The following UNC93A variants were observed in gnomAD, a reference collection of about 807,000 sequenced individuals.
The protein encoded by UNC93A is N-acetylglucosamine transporter UNC93A.
A neutral mutation model predicts 47.5 loss-of-function variants in UNC93A; 43 were observed. The ratio of observed to expected loss-of-function variants is 0.91; its 90% confidence interval spans 0.71 to 1.17. The LOEUF is 1.17. Ranked by LOEUF, UNC93A falls within the 50% of genes most tolerant of loss-of-function variation. The pLI, the probability that UNC93A is intolerant of heterozygous loss-of-function variation, is 0.00. For missense variants in UNC93A, 605 were observed against 577.6 expected, an observed-to-expected ratio of 1.05 and a Z score of -0.49; for synonymous variants, 280 against 258.0, an observed-to-expected ratio of 1.09 and a Z score of -0.82.
At chr6:167,273,083 G>T (rs12527165) in intron 1 of UNC93A, among the ~76,000 whole-genome samples, 1 of 152,100 alleles carries the variant, frequency 6.6e-6, no homozygotes, top group Non-Finnish European at 1.5e-5. Flanking sequence ...CAGGCAAGCC[G>T]CTAACGTGAA....
At chr6:167,272,442 G>T (rs1007496969) in intron 1 of UNC93A, among the ~76,000 whole-genome samples, 3 of 152,222 alleles carry the variant, frequency 2.0e-5, no homozygotes, top group Non-Finnish European at 2.9e-5. Flanking sequence ...GCCAAACTCT[G>T]TAAAATATTT....
At chr6:167,287,146 C>A (rs6911656), upstream of UNC93A, among the ~76,000 whole-genome samples, 2,911 of 150,562 alleles carry the variant, frequency 0.019, 103 homozygotes, top group African/African-American at 0.067. Context: ...CCAATCATAG[C>A]CATACTTGGC....
rs574762533 is a variant in UNC93A, at chr6:167,294,656, G to T, written c.227G>T (p.Cys76Phe). The change falls in exon 2 of 8, where the codon TGT (cysteine) becomes TTT (phenylalanine). Residue 76 changes from cysteine to phenylalanine, a missense_variant. Physicochemically the swap from Cys to Phe is radical, Grantham distance 205 (BLOSUM62 -2). Coordinates refer to ENST00000230256, the MANE Select transcript of UNC93A (RefSeq NM_018974.4). Reference protein sequence around the residue: ...GCKGTIILSMCGYVAFSVGNF... With the variant: ...GCKGTIILSMFGYVAFSVGNF... The stretch of plus-strand genomic sequence containing the variant: ...AAGGGGACCATCATCCTCTCCATGT[G>T]TGGCTACGTGGCCTTCTCCGTGGGC... 6.2e-7 allele frequency: 1 copy of T among 1,607,534 alleles called. No homozygotes were observed. Among genetic ancestry groups the T allele is most frequent in the African/African-American group, 1.3e-5 (1 of 74,726 alleles).
upstream of UNC93A, among the ~76,000 whole-genome samples, chr6:167,290,025 G>C (rs897526667): frequency 6.6e-6 from 1 of 152,002 alleles, no homozygotes; most frequent in Non-Finnish European, 1.5e-5. Context: ...GCTATATATC[G>C]GGTGCTGTTC....
rs573274604 is a variant in UNC93A at position 167,307,575 on chromosome 6, CGGTTGAGATAGTTGAGAT to C, written c.977-194_977-177del. On this transcript the variant is annotated intron_variant, in intron 6 of 7. Transcript: ENST00000230256. The stretch of plus-strand genomic sequence containing the variant: ...AGATGGTTGAGACGGTTCCAGAGGA[CGGTTGAGATAGTTGAGAT>C]GGTTGAGATGGTTCCAGAGGACAAT... Among the ~76,000 whole-genome samples the C allele has an allele frequency of 4.1e-4, 60 of 148,014 alleles. No homozygotes were observed. The South Asian group carries it at 0.012, about 29-fold the overall frequency.
At chr6:167,313,966 G>T (rs1030323456) in intron 7 of UNC93A, among the ~76,000 whole-genome samples, 1 of 152,144 alleles carries the variant, frequency 6.6e-6, no homozygotes, top group Admixed American at 6.5e-5. Context: ...GCCTTGTCCT[G>T]AGGCTTCCAA....
At chr6:167,300,543 T>G (rs1778213850) in intron 4 of UNC93A, among the ~76,000 whole-genome samples, 1 of 152,082 alleles carries the variant, frequency 6.6e-6, no homozygotes. Flanking sequence ...GGGAGGGTGC[T>G]CGTGTGCAAG....
chr6:167,273,006 T>TG (rs933213597), intron 1 of UNC93A, among the ~76,000 whole-genome samples: 4 of 135,258 alleles, frequency 3.0e-5, no homozygotes, highest in South Asian at 2.5e-4. Context: ...TTCAGATGGT[T>TG]GGGGGGCCAT....
At chr6:167,270,175 C>A (rs75570977), upstream of UNC93A, among the ~76,000 whole-genome samples, 4,725 of 152,146 alleles carry the variant, frequency 0.031, 235 homozygotes, top group African/African-American at 0.1. Context: ...ATCTATTGAC[C>A]ATGGGCTCTC....
chr6:167,283,632 C>T (rs1383237532), intron 1 of UNC93A, among the ~76,000 whole-genome samples: 1 of 152,168 alleles, frequency 6.6e-6, no homozygotes, highest in African/African-American at 2.4e-5. Flanking sequence ...CACTCCCTCA[C>T]TCCCCCGCGT....
chr6:167,314,903 G>A (rs141073649), intron 7 of UNC93A, among the ~76,000 whole-genome samples: 25 of 152,224 alleles, frequency 1.6e-4, no homozygotes, highest in African/African-American at 5.5e-4. Context: ...AATCTACAGT[G>A]TGTTCTGACC....
upstream of UNC93A, among the ~76,000 whole-genome samples, chr6:167,286,911 G>A (rs1583066599): frequency 6.8e-6 from 1 of 147,990 alleles, no homozygotes; most frequent in South Asian, 2.2e-4. Flanking sequence ...CCGGGAGGCG[G>A]ATGTTGCAGT....
chr6:167,288,015 C>T (rs1783771096), upstream of UNC93A, among the ~76,000 whole-genome samples: 1 of 152,206 alleles, frequency 6.6e-6, no homozygotes, highest in African/African-American at 2.4e-5. Flanking sequence ...GGTCAGGCCA[C>T]TCACATGTCC....
In UNC93A at chr6:167,307,875, G is replaced by A. The variant is rs767726004; in HGVS notation, c.1073G>A (p.Gly358Asp). 3.7e-6 allele frequency: 6 copies of A among 1,614,046 alleles called. No homozygotes were observed. Among genetic ancestry groups the A allele is most frequent in the South Asian group, 3.3e-5 (3 of 91,088 alleles). The change falls in exon 7 of 8, where the codon GGC becomes GAC. Residue 358 changes from glycine to aspartate, a missense_variant. Transcript: ENST00000230256. ...AVFFVFSGLWGVADAVWQTQN... is the reference protein window; with the variant it reads ...AVFFVFSGLWDVADAVWQTQN... ...TTCTTCGTATTCTCTGGCCTGTGGG[G>A]CGTGGCAGATGCCGTCTGGCAGACA...
chr6:167,294,482 C>T (rs1777990093), intron 1 of UNC93A, 35 bp from the exon 2 acceptor site: 46 of 1,611,694 alleles, frequency 2.9e-5, no homozygotes, highest in Non-Finnish European at 3.5e-5. Context: ...CTGTGTCCAT[C>T]CTGTGCTCTG....
chr6:167,297,258 C>T (rs1173327408), intron 3 of UNC93A, among the ~76,000 whole-genome samples: 2 of 152,288 alleles, frequency 1.3e-5, no homozygotes, highest in South Asian at 2.1e-4. Context: ...ATTTGGAGGG[C>T]GTCGTGTGCT....
chr6:167,278,485 G>A (rs983386703), intron 1 of UNC93A, among the ~76,000 whole-genome samples: 2 of 152,190 alleles, frequency 1.3e-5, no homozygotes, highest in African/African-American at 2.4e-5. Context: ...CCCACGGCCT[G>A]CCCTCACCTG....
upstream of UNC93A, among the ~76,000 whole-genome samples, chr6:167,269,602 T>A (rs542975956): frequency 5.7e-4 from 87 of 152,166 alleles, no homozygotes; most frequent in African/African-American, 2.1e-3. Context: ...TTTTAAAAAA[T>A]TTTTATTTAT....
intron 1 of UNC93A, among the ~76,000 whole-genome samples, chr6:167,277,478 C>T (rs1783562189): frequency 6.6e-6 from 1 of 152,166 alleles, no homozygotes; most frequent in Non-Finnish European, 1.5e-5. Context: ...GGCTCCCCCT[C>T]CACAAAAGAA....
Sources: gnomAD v4.1 joint callset for allele counts (sites outside exome capture counted in the v4.1 genomes callset) on GRCh38, gnomAD v4.1.1 for gene constraint, MANE v1.5 for transcripts, NCBI Gene and HGNC (gene_info 2026-07-23, HGNC 2026-07-21) for gene names.